FAM20B: variants seen among roughly 807,000 people sequenced by gnomAD.
FAM20B encodes the protein glycosaminoglycan xylosylkinase.
In FAM20B, 23 loss-of-function variants were observed where a neutral mutation model predicts 43.8. The ratio of observed to expected loss-of-function variants is 0.53; its 90% CI spans 0.38 to 0.74. The LOEUF (loss-of-function observed/expected upper bound fraction) is 0.74. FAM20B is among the 30% of genes least tolerant of loss of function. The pLI, the probability that FAM20B is intolerant of heterozygous loss-of-function variation, is 0.00. For missense variants in FAM20B, 440 were observed against 510.5 expected (o/e 0.86, Z 1.33); for synonymous variants, 178 against 192.4 (o/e 0.93, Z 0.62).
chr1:179,066,825 A>G lies in FAM20B; in HGVS notation c.964A>G (p.Arg322Gly). 1 of 1,613,230 alleles carries G rather than the reference A, an allele frequency of 6.2e-7. No individual in the cohort carries two copies. The highest frequency in any genetic ancestry group is 2.2e-5 in the East Asian group (1 of 44,882). Residue 322 changes from arginine to glycine, a missense_variant, in exon 7 of 8, where the codon AGA (arginine) becomes GGA (glycine). Arg to Gly is a moderately radical substitution (Grantham distance 125, BLOSUM62 -2). Transcript: ENST00000263733. Reference protein sequence around the residue: ...KSFGNPSLDERSILAPLYQCC... With the variant: ...KSFGNPSLDEGSILAPLYQCC... ...CTTTGGGAACCCCTCGCTGGATGAAAGAAGCATTCTTGCCCCTCTCTATCA... is the reference window on the plus strand; with the variant it reads ...CTTTGGGAACCCCTCGCTGGATGAAGGAAGCATTCTTGCCCCTCTCTATCA...
intron 3 of FAM20B, among the ~76,000 whole-genome samples, chr1:179,053,156 T>C (rs1651077097): frequency 6.6e-6 from 1 of 152,220 alleles, no homozygotes. Flanking sequence ...CTGAAAGATG[T>C]TCTCTTGCCA....
intron 1 of FAM20B, among the ~76,000 whole-genome samples, chr1:179,040,465 C>A (rs1294484754): frequency 6.7e-6 from 1 of 149,688 alleles, no homozygotes; most frequent in African/African-American, 2.5e-5. Context: ...ACCTCCCGGA[C>A]GAGGCGGCTA....
rs1650659364 is a variant in FAM20B at position 179,044,056 on chromosome 1, G to A, written c.209G>A (p.Trp70Ter). The change falls in exon 2 of 8, where the codon TGG becomes TAG. Residue 70 changes from tryptophan (W) to a stop codon, truncating the protein, a stop_gained. Coordinates refer to ENST00000263733, the MANE Select transcript of FAM20B (RefSeq NM_014864.4). LOFTEE classifies it high-confidence loss of function. ...LQSPWEIAAQ[W>*]VVPREVYPEE... ...TCTCCCTGGGAGATTGCAGCCCAGT[G>A]GGTGGTTCCCCGGGAAGTGTACCCT... 1.2e-6 allele frequency: 2 copies of A among 1,614,038 alleles called. No homozygotes were observed. Among genetic ancestry groups the A allele is most frequent in the Non-Finnish European group, 1.7e-6 (2 of 1,180,034 alleles).
chr1:179,059,503 C>T (rs1651367979), intron 4 of FAM20B, among the ~76,000 whole-genome samples: 1 of 152,132 alleles, frequency 6.6e-6, no homozygotes, highest in Non-Finnish European at 1.5e-5. Flanking sequence ...ACCCCAGGAA[C>T]CTGACCTCAG....
intron 1 of FAM20B, among the ~76,000 whole-genome samples, chr1:179,037,479 C>CTTTTTTTTTTTTTTTT (rs768903406): frequency 2.3e-5 from 2 of 88,380 alleles, no homozygotes; most frequent in South Asian, 4.5e-4. Context: ...GTATGTCGGT[C>CTTTTTTTTTTTTTTTT]TTTTTTTTTT....
intron 4 of FAM20B, among the ~76,000 whole-genome samples, chr1:179,060,095 A>G (rs1211244914): frequency 1.2e-5 from 1 of 80,662 alleles, no homozygotes; most frequent in Non-Finnish European, 2.3e-5. Context: ...TATGAAATAT[A>G]TATATATTTT....
chr1:179,060,670 C>G (rs1246318914), intron 4 of FAM20B, among the ~76,000 whole-genome samples: 1 of 152,202 alleles, frequency 6.6e-6, no homozygotes, highest in Non-Finnish European at 1.5e-5. Flanking sequence ...TCCACTAAAC[C>G]AGTCCCCAGT....
chr1:179,043,627 G>A lies in FAM20B; in HGVS notation c.-133-88G>A, dbSNP rs181311941. Reference sequence around the variant, plus strand: ...GCTCAAGAATAGAAAGCCTAAAAGGGTGAGTCATATATTAGAGGCTTACAA... The same window carrying A: ...GCTCAAGAATAGAAAGCCTAAAAGGATGAGTCATATATTAGAGGCTTACAA... On this transcript the variant is annotated intron_variant, in intron 1 of 7. Coordinates refer to ENST00000263733, the MANE Select transcript of FAM20B (RefSeq NM_014864.4). The A allele has an allele frequency of 1.7e-4, 77 of 463,656 alleles. No homozygotes were observed. The East Asian group carries it at 2.4e-3, about 15-fold the overall frequency. The allele number at this position is 463,656 out of a possible 1,614,324, so 28.7% of individuals were successfully genotyped here.
intron 1 of FAM20B, chr1:179,035,802 G>T (rs1299947958): frequency 8.2e-6 from 2 of 242,978 alleles, no homozygotes; most frequent in South Asian, 1.1e-4. Flanking sequence ...TGAGTAGGAT[G>T]AGTGTGTTTG....
At chr1:179,018,767 A>G in the FAM20B span, among the ~76,000 whole-genome samples, 1 of 152,246 alleles carries the variant, frequency 6.6e-6, no homozygotes, top group Non-Finnish European at 1.5e-5. Context: ...CTAGAGAAAC[A>G]GAACCAATAG....
chr1:179,073,229 A>ACT lies in FAM20B; in HGVS notation c.*1091_*1092dup, dbSNP rs1652002123. On this transcript the variant is annotated 3_prime_UTR_variant, in exon 8 of 8. Coordinates refer to ENST00000263733, the MANE Select transcript of FAM20B (RefSeq NM_014864.4). Reference sequence around the variant, plus strand: ...TCCTACAGGTGAGAGTGTATACCTTACTCTCTCAGATAAGTGGCTGGACTT... The same window carrying ACT: ...TCCTACAGGTGAGAGTGTATACCTTACTCTCTCTCAGATAAGTGGCTGGACTT... 1 of 151,996 alleles carries ACT rather than the reference A, an allele frequency of 6.6e-6. No homozygotes were observed. The highest frequency in any genetic ancestry group is 1.9e-4 in the East Asian group (1 of 5,176). The allele number at this position is 151,996 out of a possible 1,614,324, so 9.4% of individuals were successfully genotyped here. A position where few individuals can be genotyped will look rare whatever the true frequency, so the allele number is the denominator to read the frequency against.
intron 1 of FAM20B, among the ~76,000 whole-genome samples, chr1:179,029,680 T>C (rs971526653): frequency 1.3e-5 from 2 of 152,190 alleles, no homozygotes; most frequent in Admixed American, 6.5e-5. Flanking sequence ...TCAAGGAATA[T>C]GAAATTATGA....
chr1:179,047,535 G>A (rs1291426561), intron 2 of FAM20B, among the ~76,000 whole-genome samples: 1 of 145,706 alleles, frequency 6.9e-6, no homozygotes, highest in Non-Finnish European at 1.6e-5. Flanking sequence ...AACAGCCTGT[G>A]TCCACTCCCA....
Position 179,043,887 on chromosome 1 carries a change from C to T in FAM20B, c.40C>T (p.Leu14Phe). 3.1e-6 allele frequency: 5 copies of T among 1,609,264 alleles called. No individual in the cohort carries two copies. Among genetic ancestry groups the T allele is most frequent in the Non-Finnish European group, 4.3e-6 (5 of 1,175,842 alleles). The change falls in exon 2 of 8, where the codon CTT (leucine) becomes TTT (phenylalanine). Residue 14 changes from leucine (L) to phenylalanine (F), a missense_variant. Leu to Phe is a conservative substitution (Grantham distance 22, BLOSUM62 0). Coordinates refer to ENST00000263733, the MANE Select transcript of FAM20B (RefSeq NM_014864.4). Reference protein sequence around the residue: ...KQRVVLLAILLVIFIFTKVFL... With the variant: ...KQRVVLLAILFVIFIFTKVFL... The stretch of plus-strand genomic sequence containing the variant: ...GCGAGTCGTGCTGTTAGCAATTCTC[C>T]TTGTCATTTTTATCTTCACCAAAGT...
intron 7 of FAM20B, among the ~76,000 whole-genome samples, chr1:179,070,054 A>G (rs58148372): frequency 0.021 from 3,215 of 151,856 alleles, 130 homozygotes; most frequent in African/African-American, 0.075. Flanking sequence ...ATTTTATTTT[A>G]TCTTATTTTG....
intron 1 of FAM20B, among the ~76,000 whole-genome samples, chr1:179,032,415 G>A (rs941627023): frequency 2.7e-5 from 4 of 146,742 alleles, no homozygotes; most frequent in Non-Finnish European, 4.5e-5. Flanking sequence ...TCAGCCTCCC[G>A]AGTAGCTGGC....
At chr1:179,071,213 G>A (rs545145859) in intron 7 of FAM20B, among the ~76,000 whole-genome samples, 21 of 151,908 alleles carry the variant, frequency 1.4e-4, no homozygotes, top group African/African-American at 3.9e-4. Context: ...GGAGAATGGC[G>A]TGAACCCGGG....
chr1:179,053,413 TCAA>T (rs1439003263), intron 3 of FAM20B, among the ~76,000 whole-genome samples: 1 of 151,754 alleles, frequency 6.6e-6, no homozygotes, highest in African/African-American at 2.4e-5. Context: ...TCTGGCCTGA[TCAA>T]CAGAGTGAGA....
rs186748930 is a variant in FAM20B at position 179,074,045 on chromosome 1, C to G, written c.*1901C>G. The G allele has an allele frequency of 6.6e-6, 1 of 152,586 alleles. No individual in the cohort carries two copies. Among genetic ancestry groups the G allele is most frequent in the African/African-American group, 2.4e-5 (1 of 41,454 alleles). The allele number at this position is 152,586 out of a possible 1,614,324, so 9.5% of individuals were successfully genotyped here. A position where few individuals can be genotyped will look rare whatever the true frequency, so the allele number is the denominator to read the frequency against. The stretch of plus-strand genomic sequence containing the variant: ...ATTGGAAACTAGTTTTAGGCAACCA[C>G]TCTCAAAAACAGCTTTAGAATTTAT... On this transcript the variant is annotated 3_prime_UTR_variant, in exon 8 of 8. Transcript: ENST00000263733.
Sources: gnomAD v4.1 joint callset for allele counts (sites outside exome capture counted in the v4.1 genomes callset) on GRCh38, gnomAD v4.1.1 for gene constraint, MANE v1.5 for transcripts, NCBI Gene and HGNC (gene_info 2026-07-23, HGNC 2026-07-21) for gene names.